Variants in SLC5A11 observed in about 807,000 individuals in gnomAD.
SLC5A11 encodes the protein sodium/myo-inositol cotransporter 2.
SLC5A11 carries 48 observed loss-of-function variants against 69.8 expected under a neutral mutation model. That is an observed-to-expected ratio of 0.69 (90% CI 0.55 to 0.87). SLC5A11 has a LOEUF of 0.87. SLC5A11 is among the 40% of genes least tolerant of loss of function. The probability of loss-of-function intolerance (pLI) is 0.00; values close to 1 mark genes in which losing one functional copy is unlikely to be tolerated. For synonymous variants in SLC5A11, 319 were observed against 342.4 expected (o/e 0.93, Z 0.75); for missense variants, 784 against 866.1 (o/e 0.91, Z 1.19).
At chr16:24,876,285 TC>T (rs2047669115) in intron 6 of SLC5A11, among the ~76,000 whole-genome samples, 1 of 152,000 alleles carries the variant, frequency 6.6e-6, no homozygotes. Flanking sequence ...TGCCAAAGCT[TC>T]TTTGTCAACA....
chr16:24,849,537 A>T (rs1228639685), intron 1 of SLC5A11, among the ~76,000 whole-genome samples: 1 of 140,642 alleles, frequency 7.1e-6, no homozygotes, highest in Admixed American at 7.4e-5. Context: ...ACTGCACTCC[A>T]GCCTGGGTAA....
chr16:24,889,543 A>ATTTTTTTTTTTTT (rs71156454), intron 8 of SLC5A11, among the ~76,000 whole-genome samples: 2 of 74,348 alleles, frequency 2.7e-5, no homozygotes, highest in Non-Finnish European at 4.7e-5. Context: ...AGGTCTTACA[A>ATTTTTTTTTTTTT]TTTTTTTTTT....
At chr16:24,897,069 C>T (rs1483682238) in intron 9 of SLC5A11, among the ~76,000 whole-genome samples, 2 of 149,864 alleles carry the variant, frequency 1.3e-5, no homozygotes, top group Non-Finnish European at 3.0e-5. Flanking sequence ...TCTCCTGTCT[C>T]AGCCTCCCAA....
intron 10 of SLC5A11, among the ~76,000 whole-genome samples, chr16:24,906,342 CAAAAA>C (rs753153658): frequency 1.3e-5 from 1 of 76,034 alleles, no homozygotes. Context: ...GGCTCCGTCT[CAAAAA>C]AAAAAAAAAA....
At chr16:24,879,828 C>T (rs1267763990) in intron 7 of SLC5A11, among the ~76,000 whole-genome samples, 2 of 152,186 alleles carry the variant, frequency 1.3e-5, no homozygotes, top group East Asian at 1.9e-4. Flanking sequence ...CAGCTGCATT[C>T]ATGTGCTGCA....
rs189193457 is a variant in SLC5A11, at chr16:24,854,815, C to T, written c.-24-3805C>T. 3.0e-3 allele frequency among the ~76,000 whole-genome samples: 455 copies of T among 152,228 alleles called. 8 individuals carry two copies. The highest frequency in any genetic ancestry group is 0.027 in the Admixed American group (416 of 15,298). On this transcript the variant is annotated intron_variant, in intron 1 of 15. Coordinates refer to ENST00000347898, the Ensembl canonical transcript of SLC5A11. ...ACAACCCACAAGGGTCCCCTCACCCCCTCCCCTCCTGAAGCTGCCAGAATG... is the reference window on the plus strand; with the variant it reads ...ACAACCCACAAGGGTCCCCTCACCCTCTCCCCTCCTGAAGCTGCCAGAATG...
At chr16:24,847,932 G>C (rs1366661754) in intron 1 of SLC5A11, among the ~76,000 whole-genome samples, 1 of 152,202 alleles carries the variant, frequency 6.6e-6, no homozygotes, top group Non-Finnish European at 1.5e-5. Flanking sequence ...CAGACAAGGG[G>C]TAATCACACA....
At chr16:24,905,832 A>G (rs558486320) in intron 10 of SLC5A11, among the ~76,000 whole-genome samples, 2 of 133,716 alleles carry the variant, frequency 1.5e-5, no homozygotes, top group African/African-American at 5.4e-5. Context: ...TCTTTGAAAT[A>G]GGGATAATAA....
At chr16:24,899,270 A>AT (rs1008562100) in intron 10 of SLC5A11, among the ~76,000 whole-genome samples, 1 of 152,062 alleles carries the variant, frequency 6.6e-6, no homozygotes, top group Non-Finnish European at 1.5e-5. Flanking sequence ...CCTCAACTAT[A>AT]TTTTTTTGAA....
exon 12 of SLC5A11, chr16:24,907,141 C>G (rs777724085): frequency 6.2e-7 from 1 of 1,614,110 alleles, no homozygotes; most frequent in Non-Finnish European, 8.5e-7. Context: ...CCTCCGGCCT[C>G]GGGCATCTGA....
intron 7 of SLC5A11, among the ~76,000 whole-genome samples, chr16:24,879,388 A>G (rs1261063911): frequency 6.6e-6 from 1 of 151,976 alleles, no homozygotes; most frequent in African/African-American, 2.4e-5. Context: ...GTAGTCCCCA[A>G]TTCCCTTATT....
rs1277392890 is a variant in SLC5A11 at position 24,907,181 on chromosome 16, T to A, written c.1265+6T>A. The A allele has an allele frequency of 6.2e-7, 1 of 1,613,652 alleles. No homozygotes were observed. Among genetic ancestry groups the A allele is most frequent in the Non-Finnish European group, 8.5e-7 (1 of 1,179,848 alleles). On this transcript the variant is annotated splice_donor_region_variant and intron_variant, in intron 12 of 15. Transcript: ENST00000347898. The stretch of plus-strand genomic sequence containing the variant: ...GAGCTCATGATTGTGGGCAGGTAAG[T>A]CCCCACTGGGTGGGGCTGGGGCAGG...
At chr16:24,861,667 A>G (rs1489998295) in intron 2 of SLC5A11, among the ~76,000 whole-genome samples, 1 of 145,668 alleles carries the variant, frequency 6.9e-6, no homozygotes. Context: ...AGAAAAAGAA[A>G]GAAAGGAAGG....
exon 2 of SLC5A11, chr16:24,858,658 C>T (rs765732364): frequency 6.2e-7 from 1 of 1,609,948 alleles, no homozygotes; most frequent in South Asian, 1.1e-5. Context: ...AGAGCGGCAC[C>T]AGCAGCCCTC....
rs182781749 is a variant in SLC5A11 at position 24,880,280 on chromosome 16, C to T, written c.583+2917C>T. On this transcript the variant is annotated intron_variant, in intron 7 of 15. Coordinates refer to ENST00000347898, the Ensembl canonical transcript of SLC5A11. Reference sequence around the variant, plus strand: ...GTGGAAGGCAAAGGGGAAGTAAGCACGTCCTACCATGATGGAGCCGGAGAG... The same window carrying T: ...GTGGAAGGCAAAGGGGAAGTAAGCATGTCCTACCATGATGGAGCCGGAGAG... Among the ~76,000 whole-genome samples, 4 of 152,274 alleles carry T rather than the reference C, an allele frequency of 2.6e-5. No homozygotes were observed. The East Asian group carries it at 5.8e-4, about 22-fold the overall frequency.
In SLC5A11 at chr16:24,878,237, C is replaced by A. The variant is rs939500509; in HGVS notation, c.583+874C>A. Among the ~76,000 whole-genome samples, 3 of 152,348 alleles carry A rather than the reference C, an allele frequency of 2.0e-5. No individual in the cohort carries two copies. The East Asian group carries it at 5.8e-4, about 29-fold the overall frequency. ...CCATTCATGTATCCCAGAACTGTTT[C>A]TTGAGCACCTACTAACTGCTGAGCC... is the stretch of plus-strand genomic sequence containing the variant. On this transcript the variant is annotated intron_variant, in intron 7 of 15. Transcript: ENST00000347898.
chr16:24,862,824 C>G, intron 3 of SLC5A11, 152 bp downstream of exon 4: 6 of 481,804 alleles, frequency 1.2e-5, no homozygotes. Context: ...AGCTCAAATT[C>G]GTTTAAACAA....
intron 8 of SLC5A11, among the ~76,000 whole-genome samples, chr16:24,885,965 C>T (rs905452635): frequency 1.3e-5 from 2 of 151,186 alleles, no homozygotes; most frequent in African/African-American, 4.8e-5. Context: ...ATTAAACTCC[C>T]CACAGGTGGA....
intron 8 of SLC5A11, 104 bp from the exon 10 acceptor site, chr16:24,890,765 G>A (rs1883563552): frequency 9.5e-7 from 1 of 1,057,556 alleles, no homozygotes; most frequent in African/African-American, 1.6e-5. Flanking sequence ...AACATTTTTG[G>A]TGGCTCTGGT....
Sources: allele counts gnomAD v4.1 joint callset (sites outside exome capture counted in the v4.1 genomes callset), GRCh38; gene constraint gnomAD v4.1.1; transcripts MANE v1.5; gene names NCBI Gene and HGNC (gene_info 2026-07-23, HGNC 2026-07-21).